RFXANK: variants seen among roughly 807,000 people sequenced by gnomAD.
RFXANK encodes the protein DNA-binding protein RFXANK.
In RFXANK, 19 loss-of-function variants were observed where a neutral mutation model predicts 34.5. That is an observed-to-expected ratio of 0.55 (90% CI 0.38 to 0.81). The LOEUF (loss-of-function observed/expected upper bound fraction) is 0.81, where lower values mean the gene tolerates loss of function less well. Ranked by LOEUF, RFXANK falls within the 30% of genes least tolerant of loss-of-function variation. RFXANK has a pLI of 0.00. For missense variants in RFXANK, 295 were observed against 343.5 expected (o/e 0.86, Z 1.12); for synonymous variants, 154 against 149.8 (o/e 1.03, Z -0.20).
intron 9 of RFXANK, among the ~76,000 whole-genome samples, chr19:19,201,250 A>AT (rs1319758339): frequency 2.0e-5 from 3 of 151,858 alleles, no homozygotes; most frequent in Admixed American, 6.6e-5. Context: ...TAATTTTTAA[A>AT]TTTTTTTGGT....
rs757689116 is a variant in RFXANK, at chr19:19,197,258, G to A, written c.337+7G>A. Reference sequence around the variant, plus strand: ...AAGGAGCATTTGCGGAAAGGTGCGTGTCCACACACATGTGCTGGCATGTCT... The same window carrying A: ...AAGGAGCATTTGCGGAAAGGTGCGTATCCACACACATGTGCTGGCATGTCT... On this transcript the variant is annotated splice_region_variant and intron_variant, in intron 5 of 9. Coordinates refer to ENST00000303088, the MANE Select transcript of RFXANK (RefSeq NM_003721.4). 5 of 1,612,466 alleles carry A rather than the reference G, an allele frequency of 3.1e-6. No homozygotes were observed. The highest frequency in any genetic ancestry group is 1.7e-5 in the Admixed American group (1 of 60,020).
chr19:19,197,761 C>G, intron 6 of RFXANK, 140 bp downstream of exon 6: 2 of 811,072 alleles, frequency 2.5e-6, no homozygotes, highest in South Asian at 3.1e-5. Flanking sequence ...GTAATCCCAG[C>G]ACTTTGGGAG....
At chr19:19,193,808 TG>T in intron 2 of RFXANK, 130 bp from the exon 3 acceptor site, 1 of 1,018,742 alleles carries the variant, frequency 9.8e-7, no homozygotes, top group Non-Finnish European at 1.5e-6. Context: ...TTCATTTCCC[TG>T]GCTCTGGTAA....
At chr19:19,193,832 TCA>T (rs1327564046) in intron 2 of RFXANK, 105 bp from the exon 3 acceptor site, 1 of 1,283,626 alleles carries the variant, frequency 7.8e-7, no homozygotes. Context: ...AACCTGGACC[TCA>T]GTTTACCCAC....
intron 2 of RFXANK, 144 bp downstream of exon 2, chr19:19,193,244 C>T (rs1003926931): frequency 1.3e-5 from 2 of 152,402 alleles, no homozygotes; most frequent in Non-Finnish European, 2.9e-5. Flanking sequence ...GCAGATCCCC[C>T]GATAAGCTAT....
Position 19,197,266 on chromosome 19 carries a change from A to C in RFXANK, c.337+15A>C. On this transcript the variant is annotated intron_variant, in intron 5 of 9. Transcript: ENST00000303088. ...TTTGCGGAAAGGTGCGTGTCCACAC[A>C]CATGTGCTGGCATGTCTGCACCTGG... 6.2e-7 allele frequency: 1 copy of C among 1,612,108 alleles called. No individual in the cohort carries two copies. The highest frequency in any genetic ancestry group is 8.5e-7 in the Non-Finnish European group (1 of 1,179,910).
At position 19,192,260 on chromosome 19, in the gene RFXANK, T is replaced by C. The variant is rs2060494712; in HGVS notation, c.-444T>C. 9 of 1,123,030 alleles carry C rather than the reference T, an allele frequency of 8.0e-6. No individual in the cohort carries two copies. In the South Asian group the frequency reaches 9.8e-5, roughly 12 times the overall value. The allele number at this position is 1,123,030 out of a possible 1,614,324, so 69.6% of individuals were successfully genotyped here. ...GCCCGCCCTCCCCGCTCCTCAGTCTTTGCGGACAAGAAAGGGGCTGTGTGA... is the reference window on the plus strand; with the variant it reads ...GCCCGCCCTCCCCGCTCCTCAGTCTCTGCGGACAAGAAAGGGGCTGTGTGA... On this transcript the variant is annotated 5_prime_UTR_variant, in exon 1 of 10. Coordinates refer to ENST00000303088, the MANE Select transcript of RFXANK (RefSeq NM_003721.4).
chr19:19,198,820 A>G, intron 8 of RFXANK, 97 bp downstream of exon 8: 7 of 1,261,446 alleles, frequency 5.5e-6, no homozygotes, highest in Non-Finnish European at 8.1e-6. Flanking sequence ...TTGCTTGAAG[A>G]GTTCTTGGAG....
intron 6 of RFXANK, among the ~76,000 whole-genome samples, chr19:19,197,873 G>A (rs551680880): frequency 6.2e-4 from 94 of 152,210 alleles, no homozygotes; most frequent in African/African-American, 2.2e-3. Flanking sequence ...TTAGCCAGGC[G>A]TCGTGGTGGG....
At chr19:19,198,384 T>C in intron 7 of RFXANK, 152 bp downstream of exon 7, 5 of 1,285,066 alleles carry the variant, frequency 3.9e-6, no homozygotes, top group South Asian at 2.5e-5. Context: ...GAGCTCCCCA[T>C]GCAGGGAAGG....
chr19:19,198,020 A>G, intron 6 of RFXANK, 87 bp from the exon 7 acceptor site: 1 of 1,559,530 alleles, frequency 6.4e-7, no homozygotes, highest in African/African-American at 1.4e-5. Context: ...TCCAAAAAAA[A>G]AAAAAAAGAT....
chr19:19,197,245 C>G lies in RFXANK; in HGVS notation c.331C>G (p.Arg111Gly). The change falls in exon 5 of 10, where the codon CGG becomes GGG. Residue 111 changes from arginine to glycine, a missense_variant. By Grantham distance (125) the Arg-to-Gly change is moderately radical. Coordinates refer to ENST00000303088, the MANE Select transcript of RFXANK (RefSeq NM_003721.4). The stretch of plus-strand genomic sequence containing the variant: ...GCTGGACCAGCTGAAGGAGCATTTG[C>G]GGAAAGGTGCGTGTCCACACACATG... ...GELDQLKEHL[R>G]KGDNLVNKPD... The G allele has an allele frequency of 6.2e-7, 1 of 1,612,774 alleles. No homozygotes were observed. Among genetic ancestry groups the G allele is most frequent in the African/African-American group, 1.3e-5 (1 of 75,010 alleles).
intron 5 of RFXANK, 85 bp from the exon 6 acceptor site, chr19:19,197,436 G>GT (rs2060620160): frequency 1.4e-6 from 2 of 1,411,268 alleles, no homozygotes; most frequent in Non-Finnish European, 2.0e-6. Context: ...TCTAACCCCA[G>GT]CCCCCCACCT....
intron 2 of RFXANK, among the ~76,000 whole-genome samples, chr19:19,193,407 CCTTT>C (rs1297346749): frequency 6.1e-5 from 9 of 147,690 alleles, no homozygotes; most frequent in Admixed American, 1.4e-4. Context: ...GCTTTTTTTT[CCTTT>C]CTTTTTTTTT....
chr19:19,193,529 C>T (rs1370529953), intron 2 of RFXANK, among the ~76,000 whole-genome samples: 2 of 151,144 alleles, frequency 1.3e-5, no homozygotes, highest in Non-Finnish European at 2.9e-5. Context: ...AGCAATTCTG[C>T]CTCAGCCTCC....
At chr19:19,196,839 T>C in intron 3 of RFXANK, 124 bp from the exon 4 acceptor site, 1 of 901,752 alleles carries the variant, frequency 1.1e-6, no homozygotes, top group Non-Finnish European at 1.8e-6. Flanking sequence ...TACTCCAGCC[T>C]GGGGGACAGA....
intron 2 of RFXANK, 143 bp from the exon 3 acceptor site, chr19:19,193,796 T>C: frequency 7.4e-6 from 7 of 940,744 alleles, no homozygotes; most frequent in South Asian, 6.6e-5. Flanking sequence ...TGGACTCTGG[T>C]TTTCATTTCC....
rs2060635385 is a variant in RFXANK, at chr19:19,198,170, G to A, written c.502G>A (p.Gly168Ser). 5.6e-6 allele frequency: 9 copies of A among 1,614,176 alleles called. No homozygotes were observed. The East Asian group carries it at 1.1e-4, about 20-fold the overall frequency. Residue 168 changes from glycine (G) to serine (S), a missense_variant, in exon 7 of 10, where the codon GGC (glycine) becomes AGC (serine). Gly to Ser is a moderately conservative substitution (Grantham distance 56). Coordinates refer to ENST00000303088, the MANE Select transcript of RFXANK (RefSeq NM_003721.4). ...CGCCCTGTCGCTGGCCAGCACAGGC[G>A]GCTACACAGACATTGTGGGGCTGCT... is the stretch of plus-strand genomic sequence containing the variant. ...ESALSLASTG[G>S]YTDIVGLLLE...
intron 5 of RFXANK, 29 bp downstream of exon 5, chr19:19,197,280 G>A (rs773021849): frequency 6.2e-7 from 1 of 1,610,352 alleles, no homozygotes; most frequent in South Asian, 1.1e-5. Context: ...GTGCTGGCAT[G>A]TCTGCACCTG....
Sources: allele counts gnomAD v4.1 joint callset (sites outside exome capture counted in the v4.1 genomes callset), GRCh38; gene constraint gnomAD v4.1.1; transcripts MANE v1.5; gene names NCBI Gene and HGNC (gene_info 2026-07-23, HGNC 2026-07-21).